The following KLHL7 variants were observed in gnomAD, a reference collection of about 807,000 sequenced individuals.
The protein encoded by KLHL7 is kelch like family member 7, also known as kelch-like protein 7.
In KLHL7, 44 loss-of-function variants were observed where a neutral mutation model predicts 67.4. That is an observed-to-expected ratio of 0.65 (90% confidence interval 0.51 to 0.84). The LOEUF (loss-of-function observed/expected upper bound fraction) is 0.84. Among genes scored for constraint, KLHL7 ranks in the 40% least tolerant of loss-of-function variants. The pLI, the probability that KLHL7 is intolerant of heterozygous loss-of-function variation, is 0.00. For missense variants in KLHL7, 362 were observed against 718.1 expected (o/e 0.50, Z 5.67); for synonymous variants, 252 against 243.3 (o/e 1.04, Z -0.33).
chr7:23,137,560 C>G (rs984251064), intron 4 of KLHL7, among the ~76,000 whole-genome samples: 1 of 150,088 alleles, frequency 6.7e-6, no homozygotes, highest in African/African-American at 2.4e-5. Flanking sequence ...CTCACTGCAA[C>G]CTCCGCCTCC....
chr7:23,157,157 T>C (rs1784731857), intron 7 of KLHL7, among the ~76,000 whole-genome samples: 1 of 152,164 alleles, frequency 6.6e-6, no homozygotes, highest in Admixed American at 6.6e-5. Context: ...AGGAAAATGG[T>C]GTTACATCAC....
chr7:23,172,296 T>G (rs1280522023), intron 9 of KLHL7: 2 of 398,604 alleles, frequency 5.0e-6, no homozygotes, highest in East Asian at 7.7e-5. Context: ...CCTTTAACAC[T>G]TGGGTCCACA....
intron 4 of KLHL7, among the ~76,000 whole-genome samples, chr7:23,128,644 G>A (rs1173020348): frequency 6.6e-6 from 1 of 151,814 alleles, no homozygotes. Context: ...TGTAGTAAAT[G>A]TCACGGTAAG....
chr7:23,173,902 G>A, intron 10 of KLHL7, 113 bp from the exon 11 acceptor site: 1 of 1,078,832 alleles, frequency 9.3e-7, no homozygotes, highest in Non-Finnish European at 1.4e-6. Flanking sequence ...TTTTCTGTGT[G>A]TTTGACATTT....
chr7:23,173,974 G>T (rs752444080), intron 10 of KLHL7, 41 bp from the exon 11 acceptor site: 3 of 1,583,992 alleles, frequency 1.9e-6, no homozygotes, highest in Admixed American at 3.3e-5. Context: ...TAGAATTGTT[G>T]ATATAGTTTT....
chr7:23,147,092 GA>G (rs1279695002), intron 6 of KLHL7, among the ~76,000 whole-genome samples: 1 of 147,124 alleles, frequency 6.8e-6, no homozygotes, highest in Non-Finnish European at 1.5e-5. Flanking sequence ...TATTAACCTG[GA>G]CTTTTTTTTT....
intron 4 of KLHL7, among the ~76,000 whole-genome samples, chr7:23,131,859 A>G (rs1783814485): frequency 6.6e-6 from 1 of 151,578 alleles, no homozygotes; most frequent in Admixed American, 6.6e-5. Context: ...GATGAGTTCA[A>G]CTGTTTTGAT....
chr7:23,169,234 G>A (rs1295178009), intron 9 of KLHL7, among the ~76,000 whole-genome samples: 1 of 151,812 alleles, frequency 6.6e-6, no homozygotes, highest in African/African-American at 2.4e-5. Flanking sequence ...ACTCCGGCCT[G>A]GGTGACAGAG....
At chr7:23,162,918 C>T (rs1435029408) in intron 7 of KLHL7, among the ~76,000 whole-genome samples, 2 of 152,116 alleles carry the variant, frequency 1.3e-5, no homozygotes, top group Non-Finnish European at 2.9e-5. Flanking sequence ...CCTGCCTTCC[C>T]TAATTCGGCT....
At chr7:23,114,501 C>T (rs1016162648) in intron 1 of KLHL7, among the ~76,000 whole-genome samples, 6 of 152,082 alleles carry the variant, frequency 3.9e-5, no homozygotes, top group Non-Finnish European at 8.8e-5. Context: ...AATTCAGGCA[C>T]CAAAGCCCCA....
At chr7:23,122,385 T>A (rs1304021706) in intron 1 of KLHL7, among the ~76,000 whole-genome samples, 1 of 152,054 alleles carries the variant, frequency 6.6e-6, no homozygotes, top group African/African-American at 2.4e-5. Flanking sequence ...TCCTTTGACC[T>A]CCAAGGCAAC....
At chr7:23,118,033 C>T (rs1783170467) in intron 1 of KLHL7, 5 of 1,562,564 alleles carry the variant, frequency 3.2e-6, no homozygotes, top group African/African-American at 1.4e-5. Context: ...TGACTGCATG[C>T]CTCTTACTAA....
chr7:23,161,892 T>C (rs1784863587), intron 7 of KLHL7, among the ~76,000 whole-genome samples: 1 of 152,252 alleles, frequency 6.6e-6, no homozygotes, highest in East Asian at 1.9e-4. Flanking sequence ...CCAAATACTA[T>C]ACAAACATAT....
Position 23,152,268 on chromosome 7 carries a change from ACACT to A in KLHL7, c.936+63_936+66del, listed in dbSNP as rs1228386462. 3.0e-5 allele frequency: 44 copies of A among 1,474,758 alleles called. No individual in the cohort carries two copies. The East Asian group carries it at 9.7e-4, about 33-fold the overall frequency. 91.4% of individuals were successfully genotyped at this position (1,474,758 alleles called of 1,614,324 possible). A position where few individuals can be genotyped will look rare whatever the true frequency, so the allele number is the denominator to read the frequency against. Reference sequence around the variant, plus strand: ...TCTTTGAAATCACTGAACACATAAGACACTCACCAACTAGAAGTAGTAATAACTC... The same window carrying A: ...TCTTTGAAATCACTGAACACATAAGACACCAACTAGAAGTAGTAATAACTC... On this transcript the variant is annotated intron_variant, in intron 7 of 10. Transcript: ENST00000339077.
chr7:23,120,239 A>G (rs992145809), intron 1 of KLHL7, among the ~76,000 whole-genome samples: 9 of 152,074 alleles, frequency 5.9e-5, no homozygotes, highest in Non-Finnish European at 1.3e-4. Context: ...TGAACTCCTG[A>G]GATCAAGCCA....
At chr7:23,150,662 C>G (rs1784503672) in intron 6 of KLHL7, among the ~76,000 whole-genome samples, 1 of 152,212 alleles carries the variant, frequency 6.6e-6, no homozygotes, top group African/African-American at 2.4e-5. Context: ...AGGGTGTATA[C>G]ATTTATAATT....
rs1784980411 is a variant in KLHL7 at position 23,165,618 on chromosome 7, T to C, written c.937-80T>C. Reference sequence around the variant, plus strand: ...AATAAATTAACATATTCTTATATGTTTTTTGACTGTATCTTTGCATTGTCC... The same window carrying C: ...AATAAATTAACATATTCTTATATGTCTTTTGACTGTATCTTTGCATTGTCC... On this transcript the variant is annotated intron_variant, in intron 7 of 10. Coordinates refer to ENST00000339077, the MANE Select transcript of KLHL7 (RefSeq NM_001031710.3). 4.1e-6 allele frequency: 6 copies of C among 1,479,054 alleles called. No individual in the cohort carries two copies. The East Asian group carries it at 6.8e-5, about 17-fold the overall frequency. 91.6% of individuals were successfully genotyped at this position (1,479,054 alleles called of 1,614,324 possible). A position where few individuals can be genotyped will look rare whatever the true frequency, so the allele number is the denominator to read the frequency against.
At chr7:23,116,423 C>G (rs764214062) in intron 1 of KLHL7, among the ~76,000 whole-genome samples, 7 of 152,200 alleles carry the variant, frequency 4.6e-5, no homozygotes, top group Non-Finnish European at 1.0e-4. Context: ...CTATTTGTGT[C>G]AAAATGGGCT....
Position 23,165,705 on chromosome 7 carries a change from G to A in KLHL7, c.944G>A (p.Ser315Asn). 1 of 1,614,052 alleles carries A rather than the reference G, an allele frequency of 6.2e-7. No individual in the cohort carries two copies. The highest frequency in any genetic ancestry group is 8.5e-7 in the Non-Finnish European group (1 of 1,179,984). The change falls in exon 8 of 11, where the codon AGC becomes AAC. Residue 315 changes from serine to asparagine, a missense_variant. By Grantham distance (46) the Ser-to-Asn change is conservative. This residue lies in a region of KLHL7 where 155 missense variants were observed against 280.8 expected (regional missense o/e 0.55). Coordinates refer to ENST00000339077, the MANE Select transcript of KLHL7 (RefSeq NM_001031710.3). Reference sequence around the variant, plus strand: ...CATCCTTTTCTGCTACAGGATTATAGCTGGACAGACATCCGCTGCCCCTTT... The same window carrying A: ...CATCCTTTTCTGCTACAGGATTATAACTGGACAGACATCCGCTGCCCCTTT... The part of the protein sequence containing the change: ...SCRYFNPKDY[S>N]WTDIRCPFEK...
Sources: allele counts gnomAD v4.1 joint callset (sites outside exome capture counted in the v4.1 genomes callset), GRCh38; gene constraint gnomAD v4.1.1; regional missense constraint gnomAD v4.1.1; transcripts MANE v1.5; gene names NCBI Gene and HGNC (gene_info 2026-07-23, HGNC 2026-07-21).